The following CFH variants were observed in gnomAD, a reference collection of about 807,000 sequenced individuals.
CFH encodes the protein H factor 1 (complement).
A neutral mutation model predicts 147.3 loss-of-function variants in CFH; 53 were observed. That is an observed-to-expected ratio of 0.36 (90% confidence interval 0.29 to 0.45). The LOEUF (loss-of-function observed/expected upper bound fraction) is 0.45, where lower values mean the gene tolerates loss of function less well. Among genes scored for constraint, CFH ranks in the 20% least tolerant of loss-of-function variants. The pLI is 1.00. For synonymous variants in CFH, 536 were observed against 489.4 expected, an observed-to-expected ratio of 1.10 and a Z score of -1.26; for missense variants, 1,380 against 1,498.0, an observed-to-expected ratio of 0.92 and a Z score of 1.30.
At position 196,721,605 on chromosome 1, in the gene CFH, CTTTG is replaced by C. The variant is rs1277488862; in HGVS notation, c.1697-3512_1697-3509del. ...ACAGTCCAATTTAAGTATGAGGTTT[CTTTG>C]TTTATTTTTTTGTCCCTGCAATCTG... On this transcript the variant is annotated intron_variant, in intron 11 of 21. Coordinates refer to ENST00000367429, the MANE Select transcript of CFH (RefSeq NM_000186.4). Among the ~76,000 whole-genome samples the C allele has an allele frequency of 2.0e-5, 3 of 151,912 alleles. No homozygotes were observed. In the East Asian group the frequency reaches 5.8e-4, roughly 29 times the overall value.
Position 196,671,392 on chromosome 1 carries a change from A to G in CFH, c.59-1586A>G, listed in dbSNP as rs185711440. Among the ~76,000 whole-genome samples, 6 of 152,138 alleles carry G rather than the reference A, an allele frequency of 3.9e-5. No homozygotes were observed. The East Asian group carries it at 1.2e-3, about 29-fold the overall frequency. The stretch of plus-strand genomic sequence containing the variant: ...TTTAAACAAAAACATGTAATGACAA[A>G]AGTTTATATAACTTACTCTCATCAA... On this transcript the variant is annotated intron_variant, in intron 1 of 21. Coordinates refer to ENST00000367429, the MANE Select transcript of CFH (RefSeq NM_000186.4).
intron 20 of CFH, among the ~76,000 whole-genome samples, chr1:196,745,249 AT>A (rs1440385756): frequency 2.6e-5 from 4 of 151,614 alleles, no homozygotes; most frequent in Non-Finnish European, 4.4e-5. Context: ...TTATTTATTC[AT>A]TTTTCCAGCC....
intron 1 of CFH, among the ~76,000 whole-genome samples, chr1:196,654,029 G>T (rs531215012): frequency 1.3e-5 from 2 of 152,040 alleles, no homozygotes; most frequent in South Asian, 4.1e-4. Flanking sequence ...AAACTAGTTC[G>T]AGATGTCCAT....
At chr1:196,694,749 G>A (rs1194326005) in intron 9 of CFH, among the ~76,000 whole-genome samples, 1 of 152,208 alleles carries the variant, frequency 6.6e-6, no homozygotes, top group East Asian at 1.9e-4. Flanking sequence ...TTTCTCTAAT[G>A]ACCAGTGACA....
chr1:196,725,118 A>C lies in CFH; in HGVS notation c.1697-3A>C, dbSNP rs778174105. 20 of 1,610,782 alleles carry C rather than the reference A, an allele frequency of 1.2e-5. No homozygotes were observed. The Admixed American group carries it at 3.3e-4, about 27-fold the overall frequency. ...CTCATGAAATTATTTTACCTTTTTCAAGAAAGAGAATGCGAACTTCCTAAA... is the reference window on the plus strand; with the variant it reads ...CTCATGAAATTATTTTACCTTTTTCCAGAAAGAGAATGCGAACTTCCTAAA... On this transcript the variant is annotated splice_region_variant and splice_polypyrimidine_tract_variant and intron_variant, in intron 11 of 21. Coordinates refer to ENST00000367429, the MANE Select transcript of CFH (RefSeq NM_000186.4).
Position 196,726,769 on chromosome 1 carries a change from A to G in CFH, c.2065A>G (p.Ser689Gly). 6.2e-7 allele frequency: 1 copy of G among 1,613,794 alleles called. No homozygotes were observed. Among genetic ancestry groups the G allele is most frequent in the Non-Finnish European group, 8.5e-7 (1 of 1,179,792 alleles). Residue 689 changes from serine to glycine, a missense_variant, in exon 14 of 22, where the codon AGT (serine) becomes GGT (glycine). By Grantham distance (56) the Ser-to-Gly change is moderately conservative. Coordinates refer to ENST00000367429, the MANE Select transcript of CFH (RefSeq NM_000186.4). ...TTGTAAAATTTACATAGTGGAGGAG[A>G]GTACCTGTGGAGATATACCTGAACT... ...TTLPVCIVEESTCGDIPELEH... is the reference protein window; with the variant it reads ...TTLPVCIVEEGTCGDIPELEH...
At chr1:196,657,538 A>G (rs916287981) in intron 1 of CFH, among the ~76,000 whole-genome samples, 1 of 152,220 alleles carries the variant, frequency 6.6e-6, no homozygotes, top group Non-Finnish European at 1.5e-5. Context: ...AAGTATGTGC[A>G]GATTTTGGCC....
At chr1:196,680,002 G>C (rs1652852693) in intron 6 of CFH, among the ~76,000 whole-genome samples, 1 of 151,616 alleles carries the variant, frequency 6.6e-6, no homozygotes, top group South Asian at 2.1e-4. Context: ...CATAAACAGG[G>C]CCAGAAAAGT....
chr1:196,658,407 A>ATTTTTATTTTTTTTTTTTTTT (rs1666782590), intron 1 of CFH, among the ~76,000 whole-genome samples: 1 of 92,276 alleles, frequency 1.1e-5, no homozygotes, highest in Non-Finnish European at 2.0e-5. Flanking sequence ...TGCTCAGGTA[A>ATTTTTATTTTTTTTTTTTTTT]TTTTTTTTTT....
At chr1:196,665,132 C>T (rs1437484729) in intron 1 of CFH, among the ~76,000 whole-genome samples, 1 of 151,384 alleles carries the variant, frequency 6.6e-6, no homozygotes, top group Non-Finnish European at 1.5e-5. Flanking sequence ...ATGATCTATC[C>T]TACTCTAACA....
chr1:196,719,951 A>C (rs1164881891), intron 11 of CFH, among the ~76,000 whole-genome samples: 1 of 151,634 alleles, frequency 6.6e-6, no homozygotes, highest in Admixed American at 6.6e-5. Flanking sequence ...AATATATTAG[A>C]AATGCTATTT....
intron 7 of CFH, among the ~76,000 whole-genome samples, chr1:196,688,546 T>A (rs1183581334): frequency 6.6e-6 from 1 of 152,028 alleles, no homozygotes; most frequent in Admixed American, 6.6e-5. Context: ...CAAAGAAAAA[T>A]TTTTGTGTTT....
chr1:196,709,610 C>T (rs1027774672), intron 9 of CFH, among the ~76,000 whole-genome samples: 1 of 152,102 alleles, frequency 6.6e-6, no homozygotes. Context: ...GGAAAATCAG[C>T]AGTAATCACT....
rs995866468 is a variant in CFH, at chr1:196,747,383, T to C, written c.*70T>C. On this transcript the variant is annotated 3_prime_UTR_variant, in exon 22 of 22. Transcript: ENST00000367429. ...AATCAGTTCTCAATTTCATTTTTTA[T>C]GTATTGTTTTACTCCTTTTTATTCA... 4.4e-6 allele frequency: 7 copies of C among 1,596,338 alleles called. No homozygotes were observed. In the Admixed American group the frequency reaches 1.0e-4, roughly 23 times the overall value.
At chr1:196,672,852 G>C in intron 1 of CFH, 126 bp from the exon 2 acceptor site, 1 of 704,224 alleles carries the variant, frequency 1.4e-6, no homozygotes, top group South Asian at 1.9e-5. Flanking sequence ...AGGAGAGAGA[G>C]AGAGAGAGAG....
chr1:196,704,936 C>T (rs1323844292), intron 9 of CFH, among the ~76,000 whole-genome samples: 3 of 152,128 alleles, frequency 2.0e-5, no homozygotes, highest in Admixed American at 2.0e-4. Flanking sequence ...CTGAAGGATG[C>T]CTTCATCTGT....
In CFH at chr1:196,741,684, T is replaced by C. The variant is rs181075256; in HGVS notation, c.2957-191T>C. ...GTCTTCTAATATCATTTCTATCTTG[T>C]ATTTTTAATAGATTTAGAAGAATTT... is the stretch of plus-strand genomic sequence containing the variant. On this transcript the variant is annotated intron_variant, in intron 18 of 21. Coordinates refer to ENST00000367429, the MANE Select transcript of CFH (RefSeq NM_000186.4). The C allele has an allele frequency of 4.5e-3, 2,637 of 581,722 alleles. 14 individuals are homozygous for C. Among genetic ancestry groups the C allele is most frequent in the Admixed American group, 8.2e-3 (268 of 32,740 alleles). The allele number at this position is 581,722 out of a possible 1,614,324, so 36.0% of individuals were successfully genotyped here. A position where few individuals can be genotyped will look rare whatever the true frequency, so the allele number is the denominator to read the frequency against.
At position 196,677,498 on chromosome 1, in the gene CFH, A is replaced by G; in HGVS notation, c.450A>G (p.Thr150=). ...ICEVVKCLPV[T]APENGKIVSS... is the part of the protein sequence containing the mutation. ...CAGTTGTGAAGTGTTTACCAGTGAC[A>G]GCACCAGAGAATGGAAAAATTGTCA... Residue 150 remains threonine (T), a synonymous_variant, in exon 5 of 22, where the codon ACA becomes ACG. Transcript: ENST00000367429. The G allele has an allele frequency of 3.1e-6, 5 of 1,613,108 alleles. No individual in the cohort carries two copies. The highest frequency in any genetic ancestry group is 4.2e-6 in the Non-Finnish European group (5 of 1,179,322).
chr1:196,741,076 C>T, intron 18 of CFH: 1 of 409,176 alleles, frequency 2.4e-6, no homozygotes, highest in Admixed American at 3.7e-5. Context: ...ACTCATCAAT[C>T]TCCACATTAT....
Sources: allele counts gnomAD v4.1 joint callset (sites outside exome capture counted in the v4.1 genomes callset), GRCh38; gene constraint gnomAD v4.1.1; transcripts MANE v1.5; gene names NCBI Gene and HGNC (gene_info 2026-07-23, HGNC 2026-07-21).